COX6A1: variants seen among roughly 807,000 people sequenced by gnomAD.
COX6A1 encodes the protein cytochrome c oxidase subunit 6A1.
Under a neutral mutation model 11.3 loss-of-function variants are expected in COX6A1, and 10 were observed. That is an observed-to-expected ratio of 0.88 (90% CI 0.54 to 1.50). The LOEUF (loss-of-function observed/expected upper bound fraction) is 1.50. Ranked by LOEUF, COX6A1 falls within the 40% of genes most tolerant of loss-of-function variation. The pLI, the probability that COX6A1 is intolerant of heterozygous loss-of-function variation, is 0.00. For missense variants in COX6A1, 149 were observed against 147.6 expected (o/e 1.01, Z -0.05); for synonymous variants, 81 against 60.6 (o/e 1.34, Z -1.57).
rs774093378 is a variant in COX6A1, at chr12:120,438,189, G to T, written c.63G>T (p.Gly21=). ...RLLGRSRPQL[G]RPMSSGAHGE... Reference sequence around the variant, plus strand: ...TGGGTCGGTCCCGCCCACAGCTGGGGCGGCCTATGTCGAGTGGCGCCCATG... The same window carrying T: ...TGGGTCGGTCCCGCCCACAGCTGGGTCGGCCTATGTCGAGTGGCGCCCATG... Residue 21 remains glycine, a synonymous_variant, in exon 1 of 3, where the codon GGG becomes GGT. Transcript: ENST00000229379. The T allele has an allele frequency of 5.0e-6, 8 of 1,614,002 alleles. No individual in the cohort carries two copies. The highest frequency in any genetic ancestry group is 6.8e-6 in the Non-Finnish European group (8 of 1,179,974).
intron 2 of COX6A1, among the ~76,000 whole-genome samples, chr12:120,439,388 G>C (rs1877659221): frequency 6.6e-6 from 1 of 152,116 alleles, no homozygotes; most frequent in Admixed American, 6.6e-5. Context: ...GTAGCCGGGC[G>C]TGGTGGCGGG....
chr12:120,438,841 G>A (rs1374635242), intron 2 of COX6A1: 2 of 247,758 alleles, frequency 8.1e-6, no homozygotes, highest in Non-Finnish European at 1.4e-5. Flanking sequence ...TGAAACAGGT[G>A]TCCGTTGTGT....
intron 2 of COX6A1, chr12:120,438,802 T>C (rs1877643991): frequency 5.6e-6 from 2 of 359,700 alleles, no homozygotes; most frequent in Non-Finnish European, 1.0e-5. Flanking sequence ...TTTTTTTTTT[T>C]TTTTTTTTTT....
chr12:120,440,499 C>T lies in COX6A1; in HGVS notation c.292C>T (p.His98Tyr), dbSNP rs145932304. Residue 98 changes from histidine (H) to tyrosine (Y), a missense_variant, in exon 3 of 3, where the codon CAT becomes TAT. Physicochemically the swap from His to Tyr is moderately conservative, Grantham distance 83. Coordinates refer to ENST00000229379, the MANE Select transcript of COX6A1 (RefSeq NM_004373.4). ...DGNHTLFHNPHVNPLPTGYED... is the reference protein window; with the variant it reads ...DGNHTLFHNPYVNPLPTGYED... ...TAACCATACTCTATTCCATAACCCT[C>T]ATGTGAATCCACTTCCAACTGGCTA... is the stretch of plus-strand genomic sequence containing the variant. 304 of 1,613,300 alleles carry T rather than the reference C, an allele frequency of 1.9e-4. No individual in the cohort carries two copies. Among genetic ancestry groups the T allele is most frequent in the Non-Finnish European group, 2.5e-4 (289 of 1,179,350 alleles).
intron 2 of COX6A1, among the ~76,000 whole-genome samples, chr12:120,439,573 G>A (rs945322296): frequency 6.6e-6 from 1 of 151,964 alleles, no homozygotes; most frequent in African/African-American, 2.4e-5. Context: ...TAGCCAAAAG[G>A]CCGAGAAGTG....
chr12:120,440,159 G>C, intron 2 of COX6A1: 2 of 288,076 alleles, frequency 6.9e-6, no homozygotes, highest in Non-Finnish European at 1.3e-5. Flanking sequence ...CACAGCACTG[G>C]ATATACTAGT....
At chr12:120,438,559 T>G in intron 2 of COX6A1, 38 bp downstream of exon 2, 3 of 1,614,116 alleles carry the variant, frequency 1.9e-6, no homozygotes, top group Non-Finnish European at 2.5e-6. Context: ...TCCGTTCTCT[T>G]TTCGTTATGT....
rs1412275548 is a variant in COX6A1, at chr12:120,438,434, C to T, written c.159C>T (p.Ser53=). The change falls in exon 2 of 3, where the codon AGC becomes AGT. Residue 53 remains serine (S), a synonymous_variant. Coordinates refer to ENST00000229379, the MANE Select transcript of COX6A1 (RefSeq NM_004373.4). The part of the protein sequence containing the change: ...FFVALPGVAV[S]MLNVYLKSHH... ...TCGCGCTCCCCGGGGTGGCAGTCAG[C>T]ATGCTGAATGTGTACCTGAAGTCGC... The T allele has an allele frequency of 6.2e-7, 1 of 1,614,074 alleles. No individual in the cohort carries two copies. The highest frequency in any genetic ancestry group is 2.2e-5 in the East Asian group (1 of 44,900).
In COX6A1 at chr12:120,438,535, C is replaced by T; in HGVS notation, c.246+14C>T. The T allele has an allele frequency of 1.2e-6, 2 of 1,614,208 alleles. No homozygotes were observed. Among genetic ancestry groups the T allele is most frequent in the Non-Finnish European group, 8.5e-7 (1 of 1,180,044 alleles). ...ATCAGGACCAAGGTACGCCCTTGTACATCTCTTCAAGCGTCCGTTCTCTTT... is the reference window on the plus strand; with the variant it reads ...ATCAGGACCAAGGTACGCCCTTGTATATCTCTTCAAGCGTCCGTTCTCTTT... On this transcript the variant is annotated intron_variant, in intron 2 of 2. Coordinates refer to ENST00000229379, the MANE Select transcript of COX6A1 (RefSeq NM_004373.4).
intron 2 of COX6A1, among the ~76,000 whole-genome samples, chr12:120,439,211 C>G (rs1433647076): frequency 2.6e-5 from 4 of 152,190 alleles, no homozygotes; most frequent in African/African-American, 9.7e-5. Context: ...TTTGCTGTAT[C>G]TTTAACAAGG....
In COX6A1 at chr12:120,440,350, T is replaced by G. The variant is rs917569432; in HGVS notation, c.247-104T>G. 5 of 829,944 alleles carry G rather than the reference T, an allele frequency of 6.0e-6. No individual in the cohort carries two copies. The African/African-American group carries it at 8.6e-5, about 14-fold the overall frequency. 51.4% of individuals were successfully genotyped at this position (829,944 alleles called of 1,614,324 possible). On this transcript the variant is annotated intron_variant, in intron 2 of 2. Coordinates refer to ENST00000229379, the MANE Select transcript of COX6A1 (RefSeq NM_004373.4). ...CCAGTAGATAAAGGACTAATTTCCA[T>G]TTTGTTTTTATATATGATCTGTCAC...
chr12:120,440,460 C>T lies in COX6A1; in HGVS notation c.253C>T (p.Pro85Ser), dbSNP rs1443379796. 10 of 1,612,124 alleles carry T rather than the reference C, an allele frequency of 6.2e-6. 1 individual carries two copies. The highest frequency in any genetic ancestry group is 2.2e-5 in the East Asian group (1 of 44,884). ...PHLRIRTKPF[P>S]WGDGNHTLFH... is the part of the protein sequence containing the mutation. ...TGACATCTTCACTCCACAGCCGTTT[C>T]CCTGGGGAGATGGTAACCATACTCT... Residue 85 changes from proline (P) to serine (S), a missense_variant, in exon 3 of 3, where the codon CCC becomes TCC. Coordinates refer to ENST00000229379, the MANE Select transcript of COX6A1 (RefSeq NM_004373.4).
At chr12:120,438,699 C>T in intron 2 of COX6A1, 178 bp downstream of exon 2, 1 of 749,104 alleles carries the variant, frequency 1.3e-6, no homozygotes, top group Non-Finnish European at 2.2e-6. Context: ...GGGATTACGT[C>T]TCAATTCTCT....
intron 2 of COX6A1, chr12:120,440,116 A>G: frequency 5.9e-6 from 1 of 170,436 alleles, no homozygotes; most frequent in South Asian, 1.4e-4. Flanking sequence ...CACCATTTTG[A>G]TATAGGTGAT....
intron 2 of COX6A1, 60 bp downstream of exon 2, chr12:120,438,581 C>G (rs1285664230): frequency 3.1e-6 from 5 of 1,610,448 alleles, no homozygotes; most frequent in Non-Finnish European, 4.2e-6. Flanking sequence ...TGCCTTAGTG[C>G]AAGTTCTTCA....
Position 120,438,488 on chromosome 12 carries a change from C to A in COX6A1, c.213C>A (p.Phe71Leu), listed in dbSNP as rs201634491. 1.2e-5 allele frequency: 19 copies of A among 1,614,214 alleles called. No homozygotes were observed. Among genetic ancestry groups the A allele is most frequent in the Non-Finnish European group, 1.4e-5 (16 of 1,180,032 alleles). ...ACGGAGAGCACGAGAGACCCGAGTT[C>A]ATCGCCTACCCCCATCTCCGCATCA... ...SHHGEHERPE[F>L]IAYPHLRIRT... Residue 71 changes from phenylalanine to leucine, a missense_variant, in exon 2 of 3, where the codon TTC becomes TTA. By Grantham distance (22) the Phe-to-Leu change is conservative. Transcript: ENST00000229379.
chr12:120,438,446 G>A lies in COX6A1; in HGVS notation c.171G>A (p.Val57=). 6.2e-7 allele frequency: 1 copy of A among 1,614,176 alleles called. No homozygotes were observed. Among genetic ancestry groups the A allele is most frequent in the Non-Finnish European group, 8.5e-7 (1 of 1,180,026 alleles). Residue 57 remains valine (V), a synonymous_variant, in exon 2 of 3, where the codon GTG becomes GTA. Transcript: ENST00000229379. ...GGGTGGCAGTCAGCATGCTGAATGTGTACCTGAAGTCGCACCACGGAGAGC... is the reference window on the plus strand; with the variant it reads ...GGGTGGCAGTCAGCATGCTGAATGTATACCTGAAGTCGCACCACGGAGAGC... ...LPGVAVSMLN[V]YLKSHHGEHE... is the part of the protein sequence containing the mutation.
chr12:120,439,857 C>CTA (rs1416544217), intron 2 of COX6A1: 1 of 152,494 alleles, frequency 6.6e-6, no homozygotes, highest in Non-Finnish European at 1.5e-5. Context: ...GGCAGTAGTA[C>CTA]CTGCGCAACC....
Position 120,438,379 on chromosome 12 carries a change from C to T in COX6A1, c.104C>T (p.Ala35Val), listed in dbSNP as rs756407289. 1 of 1,614,116 alleles carries T rather than the reference C, an allele frequency of 6.2e-7. No homozygotes were observed. The highest frequency in any genetic ancestry group is 1.3e-5 in the African/African-American group (1 of 74,950). ...CTGAACGTTTGTGGCTTCTCCGCAG[C>T]TCGCATGTGGAAGACTCTCACCTTC... ...SSGAHGEEGS[A>V]RMWKTLTFFV... Residue 35 changes from alanine to valine, a missense_variant and splice_region_variant, in exon 2 of 3, where the codon GCT becomes GTT. By Grantham distance (64) the Ala-to-Val change is moderately conservative. Transcript: ENST00000229379.
Sources: gnomAD v4.1 joint callset for allele counts (sites outside exome capture counted in the v4.1 genomes callset) on GRCh38, gnomAD v4.1.1 for gene constraint, MANE v1.5 for transcripts, NCBI Gene and HGNC (gene_info 2026-07-23, HGNC 2026-07-21) for gene names.